Variants in CCDC146 observed in about 807,000 individuals in gnomAD.
CCDC146 encodes the protein coiled-coil domain-containing protein 146.
Under a neutral mutation model 119.3 loss-of-function variants are expected in CCDC146, and 92 were observed. That is an observed-to-expected ratio of 0.77 (90% CI 0.65 to 0.92). CCDC146 has a LOEUF of 0.92. Ranked by LOEUF, CCDC146 falls within the 40% of genes least tolerant of loss-of-function variation. CCDC146 has a pLI of 0.00. For missense variants in CCDC146, 1,000 were observed against 1,103.0 expected (o/e 0.91, Z 1.32); for synonymous variants, 372 against 371.8 (o/e 1.00, Z -0.01).
At chr7:77,192,931 AT>A (rs1461746923) in intron 2 of CCDC146, among the ~76,000 whole-genome samples, 7 of 151,988 alleles carry the variant, frequency 4.6e-5, no homozygotes, top group African/African-American at 1.7e-4. Flanking sequence ...TCTAAAAAAA[AT>A]AAAATAAAAT....
chr7:77,132,073 C>CA (rs1354826302), intron 1 of CCDC146, among the ~76,000 whole-genome samples: 1 of 151,880 alleles, frequency 6.6e-6, no homozygotes, highest in Non-Finnish European at 1.5e-5. Flanking sequence ...AAGTGAATTT[C>CA]AAAAAATCAT....
intron 11 of CCDC146, among the ~76,000 whole-genome samples, chr7:77,275,005 T>C (rs1459637392): frequency 6.6e-6 from 1 of 151,360 alleles, no homozygotes; most frequent in Admixed American, 6.6e-5. Flanking sequence ...TGTGCACATG[T>C]ATCCTAGAAC....
chr7:77,151,650 A>G (rs1791110409), intron 1 of CCDC146, among the ~76,000 whole-genome samples: 2 of 152,086 alleles, frequency 1.3e-5, no homozygotes, highest in Non-Finnish European at 2.9e-5. Context: ...CTCTTAATTC[A>G]TGATTCCCTT....
At position 77,287,514 on chromosome 7, in the gene CCDC146, CACAG is replaced by C; in HGVS notation, c.2357_2360del (p.Asp786GlyfsTer16). Reference sequence around the variant, plus strand: ...TCATCTATGAGCAGGTCTCCAGGCTCACAGACAGGCTCTGCAGCAAAACTCAGGG... The same window carrying C: ...TCATCTATGAGCAGGTCTCCAGGCTCACAGGCTCTGCAGCAAAACTCAGGG... On this transcript the variant is annotated frameshift_variant, in exon 17 of 19. Transcript: ENST00000285871. LOFTEE classifies it high-confidence loss of function. 1.2e-6 allele frequency: 2 copies of C among 1,614,076 alleles called. No homozygotes were observed. The highest frequency in any genetic ancestry group is 1.7e-6 in the Non-Finnish European group (2 of 1,179,972).
chr7:77,250,382 T>C (rs147457573), intron 4 of CCDC146, among the ~76,000 whole-genome samples: 41 of 152,352 alleles, frequency 2.7e-4, no homozygotes, highest in African/African-American at 9.6e-4. Context: ...GACAAACAAA[T>C]GTCCTCAATT....
intron 2 of CCDC146, among the ~76,000 whole-genome samples, chr7:77,215,360 A>AT: frequency 6.6e-6 from 1 of 151,886 alleles, no homozygotes; most frequent in South Asian, 2.1e-4. Flanking sequence ...TCTTGGGTAG[A>AT]TTTTTTGCTT....
chr7:77,282,849 T>C, intron 15 of CCDC146, 64 bp downstream of exon 15: 1 of 1,148,624 alleles, frequency 8.7e-7, no homozygotes, highest in Non-Finnish European at 1.3e-6. Context: ...TATTAGTTTG[T>C]GGGTGAGTTC....
chr7:77,252,117 C>G (rs900480771), intron 4 of CCDC146, among the ~76,000 whole-genome samples: 13 of 152,306 alleles, frequency 8.5e-5, no homozygotes, highest in Admixed American at 7.8e-4. Context: ...CCACTGCACT[C>G]CAGCCTAGGG....
chr7:77,251,901 C>G (rs1230949951), intron 4 of CCDC146, among the ~76,000 whole-genome samples: 1 of 152,220 alleles, frequency 6.6e-6, no homozygotes, highest in Non-Finnish European at 1.5e-5. Context: ...GTAATCCCAG[C>G]ACTTTGGGAG....
chr7:77,271,052 GAAAAA>G (rs11294929), intron 9 of CCDC146, among the ~76,000 whole-genome samples: 9 of 134,390 alleles, frequency 6.7e-5, no homozygotes, highest in African/African-American at 2.2e-4. Context: ...TGCAGCTCTG[GAAAAA>G]AAAAAAAAAA....
At chr7:77,229,915 C>A (rs538359633) in intron 2 of CCDC146, among the ~76,000 whole-genome samples, 1 of 152,206 alleles carries the variant, frequency 6.6e-6, no homozygotes, top group East Asian at 1.9e-4. Context: ...TCCGTGACAC[C>A]AAAGAAACCT....
chr7:77,224,540 G>C (rs1254808857), intron 2 of CCDC146, among the ~76,000 whole-genome samples: 1 of 152,204 alleles, frequency 6.6e-6, no homozygotes, highest in Non-Finnish European at 1.5e-5. Context: ...GTCATGTGAA[G>C]AAAGCCATCC....
chr7:77,204,477 G>A (rs1047659818), intron 2 of CCDC146, among the ~76,000 whole-genome samples: 31 of 152,122 alleles, frequency 2.0e-4, no homozygotes, highest in Non-Finnish European at 3.7e-4. Flanking sequence ...CTTCCAATAT[G>A]GACCTACAAT....
At chr7:77,193,075 C>T (rs1584058001) in intron 2 of CCDC146, among the ~76,000 whole-genome samples, 1 of 127,036 alleles carries the variant, frequency 7.9e-6, no homozygotes, top group African/African-American at 5.3e-5. Context: ...ACCAGAGGTA[C>T]AGACTATTCA....
At chr7:77,233,333 C>T (rs777664486) in intron 2 of CCDC146, among the ~76,000 whole-genome samples, 39 of 152,174 alleles carry the variant, frequency 2.6e-4, no homozygotes, top group Non-Finnish European at 5.4e-4. Flanking sequence ...CTCAGGTGAT[C>T]TGCCCGCCTC....
intron 2 of CCDC146, among the ~76,000 whole-genome samples, chr7:77,168,777 G>A (rs1426314991): frequency 2.6e-4 from 39 of 151,932 alleles, no homozygotes; most frequent in Non-Finnish European, 4.7e-4. Flanking sequence ...TTTCTCAGAC[G>A]CTAACATCTT....
At chr7:77,293,292 T>G (rs1793984223) in intron 18 of CCDC146, 92 bp downstream of exon 18, 1 of 1,372,782 alleles carries the variant, frequency 7.3e-7, no homozygotes, top group Admixed American at 2.1e-5. Context: ...TAAGAAAAAT[T>G]TCCCCACTCT....
chr7:77,191,111 G>T (rs1461174530), intron 2 of CCDC146, among the ~76,000 whole-genome samples: 1 of 152,072 alleles, frequency 6.6e-6, no homozygotes, highest in Non-Finnish European at 1.5e-5. Context: ...TAGGTTCTTG[G>T]AAACAGCAAC....
chr7:77,256,199 C>G, intron 5 of CCDC146, 134 bp from the exon 6 acceptor site: 2 of 613,348 alleles, frequency 3.3e-6, no homozygotes, highest in East Asian at 3.1e-5. Context: ...ATCATTTAAC[C>G]TTGTGAGAAA....
Sources: allele counts gnomAD v4.1 joint callset (sites outside exome capture counted in the v4.1 genomes callset), GRCh38; gene constraint gnomAD v4.1.1; transcripts MANE v1.5; gene names NCBI Gene and HGNC (gene_info 2026-07-23, HGNC 2026-07-21).